Variants in PPARGC1A observed in about 807,000 individuals in gnomAD.
PPARGC1A encodes the protein peroxisome proliferator-activated receptor gamma coactivator 1-alpha.
PPARGC1A carries 25 observed loss-of-function variants against 88.7 expected under a neutral mutation model. That is an observed-to-expected ratio of 0.28 (90% CI 0.21 to 0.39). The LOEUF is 0.39. Among genes scored for constraint, PPARGC1A ranks in the 10% least tolerant of loss-of-function variants. The probability of loss-of-function intolerance (pLI) is 1.00; values close to 1 mark genes in which losing one functional copy is unlikely to be tolerated. For synonymous variants in PPARGC1A, 363 were observed against 355.6 expected, an observed-to-expected ratio of 1.02 and a Z score of -0.24; for missense variants, 880 against 968.7, an observed-to-expected ratio of 0.91 and a Z score of 1.22.
the PPARGC1A span, among the ~76,000 whole-genome samples, chr4:24,006,286 T>G: frequency 1.9e-4 from 29 of 152,158 alleles, no homozygotes; most frequent in Non-Finnish European, 7.3e-5. Flanking sequence ...TGACCTCAAG[T>G]GATCTGCCCA....
intron 2 of PPARGC1A, among the ~76,000 whole-genome samples, chr4:23,847,851 G>A (rs1728595110): frequency 6.6e-6 from 1 of 152,126 alleles, no homozygotes; most frequent in African/African-American, 2.4e-5. Flanking sequence ...AAGTCAATTT[G>A]TCTTTTTCCA....
At chr4:23,844,313 A>ATTT (rs1727593815) in intron 2 of PPARGC1A, among the ~76,000 whole-genome samples, 1 of 44,712 alleles carries the variant, frequency 2.2e-5, no homozygotes, top group South Asian at 7.7e-4. Flanking sequence ...ACAACATATT[A>ATTT]TATTAGAATA....
the PPARGC1A span, among the ~76,000 whole-genome samples, chr4:24,415,674 G>A: frequency 8.0e-4 from 122 of 152,302 alleles, no homozygotes; most frequent in African/African-American, 2.8e-3. Context: ...TGGCAATTAC[G>A]AATACATATA....
At chr4:23,808,398 C>T (rs1720271302) in intron 10 of PPARGC1A, among the ~76,000 whole-genome samples, 1 of 152,112 alleles carries the variant, frequency 6.6e-6, no homozygotes, top group Admixed American at 6.6e-5. Context: ...TCATTGCCGC[C>T]TGAGCACATC....
At chr4:24,218,366 C>A in the PPARGC1A span, among the ~76,000 whole-genome samples, 1 of 152,152 alleles carries the variant, frequency 6.6e-6, no homozygotes, top group Non-Finnish European at 1.5e-5. Flanking sequence ...AAAGAGATTC[C>A]ACAATGAGTT....
the PPARGC1A span, among the ~76,000 whole-genome samples, chr4:24,129,356 T>C: frequency 6.6e-6 from 1 of 152,132 alleles, no homozygotes; most frequent in African/African-American, 2.4e-5. Context: ...TACCAAATGT[T>C]CCATAGGGCT....
At chr4:24,118,055 C>A in the PPARGC1A span, among the ~76,000 whole-genome samples, 1 of 152,104 alleles carries the variant, frequency 6.6e-6, no homozygotes, top group East Asian at 1.9e-4. Context: ...AGTCAGTGAT[C>A]ACTTGGAAAC....
chr4:24,249,752 C>T, the PPARGC1A span, among the ~76,000 whole-genome samples: 9 of 152,126 alleles, frequency 5.9e-5, no homozygotes, highest in Non-Finnish European at 8.8e-5. Flanking sequence ...TGAATCATGC[C>T]GAGCCAAGTG....
the PPARGC1A span, among the ~76,000 whole-genome samples, chr4:24,118,408 G>A: frequency 6.6e-6 from 1 of 152,122 alleles, no homozygotes; most frequent in African/African-American, 2.4e-5. Flanking sequence ...TCCTTGTGGA[G>A]TTTTCCTGGC....
chr4:23,943,411 C>A, the PPARGC1A span, among the ~76,000 whole-genome samples: 297 of 148,280 alleles, frequency 2.0e-3, no homozygotes, highest in African/African-American at 5.1e-3. Flanking sequence ...AAATACATAC[C>A]CCTTGGCTCA....
the PPARGC1A span, among the ~76,000 whole-genome samples, chr4:24,216,011 G>A: frequency 6.6e-6 from 1 of 151,996 alleles, no homozygotes; most frequent in African/African-American, 2.4e-5. Context: ...GTTTAAATGT[G>A]TGTGTAAACC....
At chr4:23,924,015 G>A in the PPARGC1A span, among the ~76,000 whole-genome samples, 8 of 152,308 alleles carry the variant, frequency 5.3e-5, no homozygotes, top group South Asian at 2.1e-4. Flanking sequence ...GGAGGCAGGG[G>A]CAATTCCATT....
chr4:24,002,095 CACAGAGAGAGAGAG>C, the PPARGC1A span, among the ~76,000 whole-genome samples: 7 of 116,838 alleles, frequency 6.0e-5, no homozygotes, highest in African/African-American at 2.2e-4. Flanking sequence ...CACACACACA[CACAGAGAGAGAGAG>C]AGAGAGAGAG....
chr4:24,057,663 C>T, the PPARGC1A span, among the ~76,000 whole-genome samples: 15 of 152,106 alleles, frequency 9.9e-5, no homozygotes, highest in Admixed American at 9.8e-4. Context: ...GTGTGTACAT[C>T]CCTCTTCCTC....
the PPARGC1A span, among the ~76,000 whole-genome samples, chr4:24,378,118 C>T: frequency 2.0e-5 from 3 of 152,114 alleles, no homozygotes; most frequent in Admixed American, 1.3e-4. Flanking sequence ...GGGTAGATCA[C>T]CTGAGGTCAG....
At chr4:24,038,701 T>C in the PPARGC1A span, among the ~76,000 whole-genome samples, 1 of 152,132 alleles carries the variant, frequency 6.6e-6, no homozygotes, top group African/African-American at 2.4e-5. Flanking sequence ...CTTTCAGTTC[T>C]TTTTTTCACT....
chr4:23,844,686 T>C (rs1340011449), intron 2 of PPARGC1A, among the ~76,000 whole-genome samples: 2 of 102,496 alleles, frequency 2.0e-5, no homozygotes, highest in African/African-American at 4.1e-5. Flanking sequence ...ATATATATCA[T>C]ATAATATATG....
the PPARGC1A span, among the ~76,000 whole-genome samples, chr4:24,180,364 T>C: frequency 1.3e-5 from 2 of 152,204 alleles, no homozygotes; most frequent in African/African-American, 4.8e-5. Flanking sequence ...ATTTGTTTCA[T>C]AAACTGGTTA....
At chr4:24,252,086 C>A in the PPARGC1A span, among the ~76,000 whole-genome samples, 1 of 152,104 alleles carries the variant, frequency 6.6e-6, no homozygotes, top group Non-Finnish European at 1.5e-5. Flanking sequence ...GGAAGGAAAT[C>A]ATTCTAAAAT....
Sources: gnomAD v4.1 joint callset for allele counts (sites outside exome capture counted in the v4.1 genomes callset) on GRCh38, gnomAD v4.1.1 for gene constraint, MANE v1.5 for transcripts, NCBI Gene and HGNC (gene_info 2026-07-23, HGNC 2026-07-21) for gene names.